Variants in PIEZO2 observed in about 807,000 individuals in gnomAD.
PIEZO2 encodes piezo type mechanosensitive ion channel component 2.
In PIEZO2, 172 loss-of-function variants were observed where a neutral mutation model predicts 337.3. The ratio of observed to expected loss-of-function variants is 0.51; its 90% CI spans 0.45 to 0.58. The LOEUF (loss-of-function observed/expected upper bound fraction) is 0.58, where lower values mean the gene tolerates loss of function less well. Ranked by LOEUF, PIEZO2 falls within the 20% of genes least tolerant of loss-of-function variation. The probability of loss-of-function intolerance (pLI) is 0.00; values close to 1 mark genes in which losing one functional copy is unlikely to be tolerated. For missense variants in PIEZO2, 3,028 were observed against 3,391.3 expected (o/e 0.89, Z 2.66); for synonymous variants, 1,251 against 1,228.5 (o/e 1.02, Z -0.38).
Position 10,694,715 on chromosome 18 carries a change from T to A in PIEZO2, c.7190+1359A>T, listed in dbSNP as rs762783428. On this transcript the variant is annotated intron_variant, in intron 47 of 55. Coordinates refer to ENST00000674853, the MANE Select transcript of PIEZO2 (RefSeq NM_001378183.1). ...TCAGGAGCGGTGATGTGCACCTGTA[T>A]CCCCAGCTGCTCTGGAGGCTGAGGC... is the stretch of plus-strand genomic sequence containing the variant. 9.3e-4 allele frequency among the ~76,000 whole-genome samples: 141 copies of A among 152,248 alleles called. 4 individuals carry two copies. Among genetic ancestry groups the A allele is most frequent in the South Asian group, 1.5e-3 (7 of 4,826 alleles).
At chr18:11,042,028 T>C (rs545743467) in intron 2 of PIEZO2, among the ~76,000 whole-genome samples, 2 of 152,322 alleles carry the variant, frequency 1.3e-5, no homozygotes, top group Non-Finnish European at 2.9e-5. Context: ...TTCAGATTAC[T>C]TGCTGAAGGC....
In PIEZO2 at chr18:10,762,777, A is replaced by T. The variant is rs529958057; in HGVS notation, c.3123+145T>A. 6.8e-5 allele frequency: 90 copies of T among 1,320,196 alleles called. 1 individual carries two copies. In the South Asian group the frequency reaches 1.3e-3, roughly 19 times the overall value. The allele number at this position is 1,320,196 out of a possible 1,614,324, so 81.8% of individuals were successfully genotyped here. ...AGACCTCAGTATGAGACGAGGCTTAACACAGGCCCAGAGCACGACCAGCCA... is the reference window on the plus strand; with the variant it reads ...AGACCTCAGTATGAGACGAGGCTTATCACAGGCCCAGAGCACGACCAGCCA... On this transcript the variant is annotated intron_variant, in intron 22 of 55. Coordinates refer to ENST00000674853, the MANE Select transcript of PIEZO2 (RefSeq NM_001378183.1).
At chr18:10,918,028 C>T (rs1403468423) in intron 3 of PIEZO2, among the ~76,000 whole-genome samples, 1 of 152,138 alleles carries the variant, frequency 6.6e-6, no homozygotes, top group Non-Finnish European at 1.5e-5. Context: ...TTAATAGTGA[C>T]ATTTTACTTT....
chr18:10,981,387 G>A (rs1048781099), intron 2 of PIEZO2, among the ~76,000 whole-genome samples: 9 of 152,062 alleles, frequency 5.9e-5, no homozygotes, highest in African/African-American at 2.2e-4. Context: ...TATCTAAGTT[G>A]GGTTTAATCC....
intron 1 of PIEZO2, among the ~76,000 whole-genome samples, chr18:11,115,577 AATAAG>A (rs2039864178): frequency 6.6e-6 from 1 of 152,226 alleles, no homozygotes; most frequent in Non-Finnish European, 1.5e-5. Flanking sequence ...ATATAATACT[AATAAG>A]AGAAGAATGC....
intron 51 of PIEZO2, 63 bp downstream of exon 51, chr18:10,681,598 A>G (rs2034266665): frequency 7.4e-7 from 1 of 1,344,860 alleles, no homozygotes; most frequent in Non-Finnish European, 1.1e-6. Context: ...GCATTAAATG[A>G]CAATGAGTGA....
Position 10,918,347 on chromosome 18 carries a change from T to C in PIEZO2, c.287-7119A>G, listed in dbSNP as rs150525179. ...TTAAAATATCATTTTCACATCTACCTAATACTCTTGCAATGTCTATTTTCC... is the reference window on the plus strand; with the variant it reads ...TTAAAATATCATTTTCACATCTACCCAATACTCTTGCAATGTCTATTTTCC... On this transcript the variant is annotated intron_variant, in intron 3 of 55. Coordinates refer to ENST00000674853, the MANE Select transcript of PIEZO2 (RefSeq NM_001378183.1). Among the ~76,000 whole-genome samples, 131 of 152,268 alleles carry C rather than the reference T, an allele frequency of 8.6e-4. 1 individual carries two copies. The highest frequency in any genetic ancestry group is 2.9e-3 in the African/African-American group (121 of 41,586).
rs764824184 is a variant in PIEZO2 at position 10,863,870 on chromosome 18, TCA to T, written c.493-6661_493-6660del. On this transcript the variant is annotated intron_variant, in intron 5 of 55. Transcript: ENST00000674853. This position sits in a 1 kb window ranked among gnomAD's most constrained non-coding sequence, Gnocchi z 4.3. Reference sequence around the variant, plus strand: ...GAACACAATCAAAACAAATCAGCAGTCACACACACACACACCTATATCATCCA... The same window carrying T: ...GAACACAATCAAAACAAATCAGCAGTCACACACACACACCTATATCATCCA... Among the ~76,000 whole-genome samples the T allele has an allele frequency of 6.6e-6, 1 of 151,216 alleles. No individual in the cohort carries two copies. Among genetic ancestry groups the T allele is most frequent in the Non-Finnish European group, 1.5e-5 (1 of 67,878 alleles).
chr18:10,925,620 C>T (rs968522658), intron 3 of PIEZO2, among the ~76,000 whole-genome samples: 3 of 152,172 alleles, frequency 2.0e-5, no homozygotes, highest in African/African-American at 4.8e-5. Flanking sequence ...CCCTCTGTCC[C>T]CCAGACTGGA....
At chr18:10,950,089 G>A (rs1376674321) in intron 3 of PIEZO2, among the ~76,000 whole-genome samples, 2 of 152,142 alleles carry the variant, frequency 1.3e-5, no homozygotes, top group Admixed American at 1.3e-4. Flanking sequence ...CATTTGGTAA[G>A]AGTTTCTAAA....
chr18:11,050,582 C>T (rs1416756655), intron 2 of PIEZO2, among the ~76,000 whole-genome samples: 1 of 151,860 alleles, frequency 6.6e-6, no homozygotes, highest in Non-Finnish European at 1.5e-5. Context: ...ATTAGCACAA[C>T]TTCCTTTTAA....
At position 10,742,482 on chromosome 18, in the gene PIEZO2, G is replaced by A. The variant is rs1296363120; in HGVS notation, c.4636+12C>T. On this transcript the variant is annotated intron_variant, in intron 32 of 55. Transcript: ENST00000674853. ...GTTAAAACTTGAATAAGAGGAAAAT[G>A]TCTTGACATACTTTCATCATCCTCT... 7 of 1,537,068 alleles carry A rather than the reference G, an allele frequency of 4.6e-6. No homozygotes were observed. Among genetic ancestry groups the A allele is most frequent in the South Asian group, 3.6e-5 (3 of 84,048 alleles).
At position 11,024,941 on chromosome 18, in the gene PIEZO2, G is replaced by A. The variant is rs866713973; in HGVS notation, c.160+41186C>T. On this transcript the variant is annotated intron_variant, in intron 2 of 55. Coordinates refer to ENST00000674853, the MANE Select transcript of PIEZO2 (RefSeq NM_001378183.1). ...GGCATGAGCCACCGTGCCCAGCGAA[G>A]GTTTTTTTTTTTTTTAAATAATATT... Among the ~76,000 whole-genome samples the A allele has an allele frequency of 1.4e-3, 215 of 149,366 alleles. No individual in the cohort carries two copies. In the Middle Eastern group the frequency reaches 0.042, roughly 29 times the overall value.
At chr18:10,995,902 A>G (rs1052143958) in intron 2 of PIEZO2, among the ~76,000 whole-genome samples, 1 of 152,208 alleles carries the variant, frequency 6.6e-6, no homozygotes, top group Non-Finnish European at 1.5e-5. Context: ...AGCCCATAAA[A>G]TGCCCTCAGG....
chr18:10,760,873 G>A (rs1442660858), intron 24 of PIEZO2, 38 bp downstream of exon 24: 1 of 1,470,526 alleles, frequency 6.8e-7, no homozygotes, highest in Non-Finnish European at 9.2e-7. Flanking sequence ...GAATTTTCAT[G>A]GAAAAGAGAA....
intron 27 of PIEZO2, among the ~76,000 whole-genome samples, chr18:10,753,636 G>T (rs940333886): frequency 2.6e-5 from 4 of 152,260 alleles, no homozygotes; most frequent in African/African-American, 9.6e-5. Context: ...TGGCGCATTT[G>T]GGAAGAAACA....
In PIEZO2 at chr18:11,031,290, C is replaced by A. The variant is rs1433034160; in HGVS notation, c.160+34837G>T. ...CTGGGATTACAGGCGTGAGCCACTG[C>A]GCCTGGCCTGGAATTTTTTTTTAAT... is the stretch of plus-strand genomic sequence containing the variant. On this transcript the variant is annotated intron_variant, in intron 2 of 55. Transcript: ENST00000674853. This position sits in a 1 kb window ranked among gnomAD's most constrained non-coding sequence, Gnocchi z 4.7. 6.6e-6 allele frequency among the ~76,000 whole-genome samples: 1 copy of A among 151,808 alleles called. No individual in the cohort carries two copies. The highest frequency in any genetic ancestry group is 1.5e-5 in the Non-Finnish European group (1 of 67,978).
intron 8 of PIEZO2, among the ~76,000 whole-genome samples, chr18:10,805,075 C>T (rs1024533360): frequency 6.6e-6 from 1 of 152,218 alleles, no homozygotes; most frequent in Admixed American, 6.5e-5. Flanking sequence ...CAGAATATCG[C>T]ATGGACCCAA....
intron 39 of PIEZO2, among the ~76,000 whole-genome samples, chr18:10,708,968 A>G (rs2035704521): frequency 6.6e-6 from 1 of 152,092 alleles, no homozygotes; most frequent in African/African-American, 2.4e-5. Flanking sequence ...AACAAACTGA[A>G]TTTTGCACCC....
Sources: allele counts gnomAD v4.1 joint callset (sites outside exome capture counted in the v4.1 genomes callset), GRCh38; gene constraint gnomAD v4.1.1; non-coding constraint Gnocchi (gnomAD v3.1); transcripts MANE v1.5; gene names NCBI Gene and HGNC (gene_info 2026-07-23, HGNC 2026-07-21).